ZNF681: variants seen among roughly 807,000 people sequenced by gnomAD.
The protein encoded by ZNF681 is hypothetical protein FLJ31526.
A neutral mutation model predicts 56.0 loss-of-function variants in ZNF681; 37 were observed. That is an observed-to-expected ratio of 0.66 (90% CI 0.51 to 0.87). The LOEUF (loss-of-function observed/expected upper bound fraction) is 0.87. Among genes scored for constraint, ZNF681 ranks in the 40% least tolerant of loss-of-function variants. ZNF681 has a pLI of 0.00. For synonymous variants in ZNF681, 225 were observed against 248.6 expected (o/e 0.91, Z 0.89); for missense variants, 741 against 744.9 (o/e 0.99, Z 0.06).
intron 3 of ZNF681, among the ~76,000 whole-genome samples, chr19:23,750,064 C>A (rs1969002021): frequency 6.6e-6 from 1 of 151,160 alleles, no homozygotes; most frequent in South Asian, 2.1e-4. Context: ...GTGAGCGGAT[C>A]ACCTGAGGTC....
chr19:23,744,856 C>T lies in ZNF681; in HGVS notation c.694G>A (p.Gly232Ser), dbSNP rs1323065317. Reference protein sequence around the residue: ...GEKSYICEECGKACNQFTNLT... With the variant: ...GEKSYICEECSKACNQFTNLT... ...TTTGTGAACTGGTTACAGGCTTTGCCACATTCTTCACATATGTACGATTTC... is the reference window on the plus strand; with the variant it reads ...TTTGTGAACTGGTTACAGGCTTTGCTACATTCTTCACATATGTACGATTTC... Residue 232 changes from glycine to serine, a missense_variant, in exon 4 of 4, where the codon GGC (glycine) becomes AGC (serine). Coordinates refer to ENST00000402377, the MANE Select transcript of ZNF681 (RefSeq NM_138286.3). The T allele has an allele frequency of 1.2e-6, 2 of 1,613,328 alleles. No homozygotes were observed. The highest frequency in any genetic ancestry group is 1.3e-5 in the African/African-American group (1 of 75,040).
chr19:23,757,852 TA>T (rs558803985), intron 1 of ZNF681, among the ~76,000 whole-genome samples: 10 of 149,284 alleles, frequency 6.7e-5, no homozygotes, highest in Admixed American at 2.0e-4. Context: ...AAACTTACCT[TA>T]AAAAAAAAAT....
intron 1 of ZNF681, among the ~76,000 whole-genome samples, chr19:23,758,537 T>G (rs6417219): frequency 6.6e-6 from 1 of 152,194 alleles, no homozygotes; most frequent in African/African-American, 2.4e-5. Context: ...CAGAGAGAGC[T>G]GCAGGCCAGG....
chr19:23,744,801 C>A lies in ZNF681; in HGVS notation c.749G>T (p.Arg250Ile). Reference sequence around the variant, plus strand: ...TTCTTCACGTTTGTAGAGTTTGTCTCTAGTATAAATTATCTTATGTGTAGT... The same window carrying A: ...TTCTTCACGTTTGTAGAGTTTGTCTATAGTATAAATTATCTTATGTGTAGT... ...NLTTHKIIYT[R>I]DKLYKREECS... is the part of the protein sequence containing the mutation. Residue 250 changes from arginine (R) to isoleucine (I), a missense_variant, in exon 4 of 4, where the codon AGA becomes ATA. Transcript: ENST00000402377. The A allele has an allele frequency of 6.2e-7, 1 of 1,613,274 alleles. No individual in the cohort carries two copies. The highest frequency in any genetic ancestry group is 8.5e-7 in the Non-Finnish European group (1 of 1,179,644).
At chr19:23,758,636 C>T in intron 1 of ZNF681, 111 bp downstream of exon 1, 1 of 1,557,104 alleles carries the variant, frequency 6.4e-7, no homozygotes, top group Non-Finnish European at 8.9e-7. Flanking sequence ...GGACTGAGGC[C>T]GCCTGGGCGA....
chr19:23,751,199 G>A lies in ZNF681; in HGVS notation c.226+3624C>T, dbSNP rs1969024554. On this transcript the variant is annotated intron_variant, in intron 3 of 3. Coordinates refer to ENST00000402377, the MANE Select transcript of ZNF681 (RefSeq NM_138286.3). The stretch of plus-strand genomic sequence containing the variant: ...CATTAAGAATTTATCTAAATAGGCT[G>A]GGTGCGGTAGCTCACACATGTAATC... 2.0e-5 allele frequency among the ~76,000 whole-genome samples: 3 copies of A among 150,354 alleles called. No homozygotes were observed. In the South Asian group the frequency reaches 6.4e-4, roughly 32 times the overall value.
intron 3 of ZNF681, among the ~76,000 whole-genome samples, chr19:23,750,531 A>G (rs932086286): frequency 6.6e-6 from 1 of 151,954 alleles, no homozygotes; most frequent in Non-Finnish European, 1.5e-5. Context: ...TAATATTAAG[A>G]AACCTACACT....
At position 23,744,894 on chromosome 19, in the gene ZNF681, A is replaced by G; in HGVS notation, c.656T>C (p.Ile219Thr). ...GSSIFTKHKR[I>T]HIGEKSYICE... The stretch of plus-strand genomic sequence containing the variant: ...TATGTACGATTTCTCTCCAATATGA[A>G]TTCTTTTATGTTTAGTAAAGATTGA... Residue 219 changes from isoleucine (I) to threonine (T), a missense_variant, in exon 4 of 4, where the codon ATT becomes ACT. Physicochemically the swap from Ile to Thr is moderately conservative, Grantham distance 89. Coordinates refer to ENST00000402377, the MANE Select transcript of ZNF681 (RefSeq NM_138286.3). 1 of 1,610,076 alleles carries G rather than the reference A, an allele frequency of 6.2e-7. No homozygotes were observed. The highest frequency in any genetic ancestry group is 1.1e-5 in the South Asian group (1 of 90,584).
At chr19:23,752,682 G>A (rs547282288) in intron 3 of ZNF681, among the ~76,000 whole-genome samples, 101 of 152,268 alleles carry the variant, frequency 6.6e-4, no homozygotes, top group African/African-American at 2.1e-3. Context: ...GCAGCCTTAT[G>A]ACCAAGCTAC....
chr19:23,751,474 C>CAAAAAAAAAAAAAAAAAAAAAA (rs71165893), intron 3 of ZNF681, among the ~76,000 whole-genome samples: 1 of 123,032 alleles, frequency 8.1e-6, no homozygotes, highest in Admixed American at 9.0e-5. Context: ...GACTCCGTCT[C>CAAAAAAAAAAAAAAAAAAAAAA]AAAAAAAAAA....
chr19:23,758,297 C>G (rs1488978875), intron 1 of ZNF681, among the ~76,000 whole-genome samples: 1 of 152,210 alleles, frequency 6.6e-6, no homozygotes, highest in Non-Finnish European at 1.5e-5. Flanking sequence ...TACACCTACT[C>G]GGGAGGCTGT....
chr19:23,750,308 A>AAC lies in ZNF681; in HGVS notation c.226+4514_226+4515insGT, dbSNP rs1555713594. Among the ~76,000 whole-genome samples the AAC allele has an allele frequency of 7.4e-4, 97 of 130,320 alleles. 6 individuals carry two copies. Among genetic ancestry groups the AAC allele is most frequent in the Non-Finnish European group, 8.1e-4 (51 of 63,208 alleles). The allele number at this position is 130,320 out of a possible 152,430, so 85.5% of individuals were successfully genotyped here. The stretch of plus-strand genomic sequence containing the variant: ...CAAAAAAAAAAAAAAAAAAAACCAA[A>AAC]AAACAACTAAGAAAGAATATATACA... On this transcript the variant is annotated intron_variant, in intron 3 of 3. Coordinates refer to ENST00000402377, the MANE Select transcript of ZNF681 (RefSeq NM_138286.3).
chr19:23,758,737 A>T lies in ZNF681; in HGVS notation c.3+10T>A. On this transcript the variant is annotated intron_variant, in intron 1 of 3. Transcript: ENST00000402377. ...CCCCTCTCTCGGGATGTCGGACCCGACATTCTCACCATTTCTAGGTTTCCG... is the reference window on the plus strand; with the variant it reads ...CCCCTCTCTCGGGATGTCGGACCCGTCATTCTCACCATTTCTAGGTTTCCG... 6.2e-7 allele frequency: 1 copy of T among 1,614,216 alleles called. No individual in the cohort carries two copies. Among genetic ancestry groups the T allele is most frequent in the Non-Finnish European group, 8.5e-7 (1 of 1,180,026 alleles).
rs1269646878 is a variant in ZNF681 at position 23,745,176 on chromosome 19, C to T, written c.374G>A (p.Gly125Glu). The T allele has an allele frequency of 6.2e-7, 1 of 1,612,706 alleles. No homozygotes were observed. The highest frequency in any genetic ancestry group is 8.5e-7 in the Non-Finnish European group (1 of 1,179,706). ...KSVDECKVQK[G>E]GYNGLNQCLP... ...ACATTGGTTAAGTCCATTATAACCT[C>T]CTTTTTGCACTTTGCACTCATCCAC... The change falls in exon 4 of 4, where the codon GGA becomes GAA. Residue 125 changes from glycine (G) to glutamate (E), a missense_variant. Gly to Glu is a moderately conservative substitution (Grantham distance 98). Transcript: ENST00000402377.
chr19:23,740,629 C>G lies in ZNF681; in HGVS notation c.*2983G>C, dbSNP rs1454478393. The G allele has an allele frequency of 6.6e-6, 1 of 151,342 alleles. No individual in the cohort carries two copies. Among genetic ancestry groups the G allele is most frequent in the Non-Finnish European group, 1.5e-5 (1 of 67,766 alleles). The allele number at this position is 151,342 out of a possible 1,614,324, so 9.4% of individuals were successfully genotyped here. ...CTATATTTATATATAAAAACATCCT[C>G]ATGATTTAGGAAGCCCCCCTAGTAC... On this transcript the variant is annotated 3_prime_UTR_variant, in exon 4 of 4. Transcript: ENST00000402377.
rs1302079103 is a variant in ZNF681, at chr19:23,754,846, T to C, written c.203A>G (p.His68Arg). The part of the protein sequence containing the change: ...QEKEPWTRKR[H>R]RMVAEPPVIC... Reference sequence around the variant, plus strand: ...ACCTGGGGGTTCGGCCACCATCCTATGTCTCTTTCTAGTCCAAGGCTCTTT... The same window carrying C: ...ACCTGGGGGTTCGGCCACCATCCTACGTCTCTTTCTAGTCCAAGGCTCTTT... Residue 68 changes from histidine (H) to arginine (R), a missense_variant, in exon 3 of 4, where the codon CAT becomes CGT. Transcript: ENST00000402377. The C allele has an allele frequency of 1.9e-6, 3 of 1,614,040 alleles. No homozygotes were observed. The highest frequency in any genetic ancestry group is 1.3e-5 in the African/African-American group (1 of 74,936).
chr19:23,755,604 C>CACAT (rs1252655724), intron 1 of ZNF681, 53 bp from the exon 2 acceptor site: 5 of 859,558 alleles, frequency 5.8e-6, no homozygotes, highest in Non-Finnish European at 6.7e-6. Context: ...CACACATACA[C>CACAT]ATTTAGAAAG....
chr19:23,750,818 GCA>G (rs1969016682), intron 3 of ZNF681, among the ~76,000 whole-genome samples: 1 of 75,608 alleles, frequency 1.3e-5, no homozygotes. Flanking sequence ...AAGTGAGACC[GCA>G]TCTCTAAAAA....
intron 3 of ZNF681, among the ~76,000 whole-genome samples, chr19:23,753,788 G>A (rs1969071539): frequency 6.8e-6 from 1 of 147,906 alleles, no homozygotes; most frequent in Non-Finnish European, 1.5e-5. Context: ...CTTGAACCTG[G>A]AAGGGAGAGG....
Sources: allele counts gnomAD v4.1 joint callset (sites outside exome capture counted in the v4.1 genomes callset), GRCh38; gene constraint gnomAD v4.1.1; transcripts MANE v1.5; gene names NCBI Gene and HGNC (gene_info 2026-07-23, HGNC 2026-07-21).